Variants in FER observed in about 807,000 individuals in gnomAD.
FER encodes FER tyrosine kinase.
In FER, 63 loss-of-function variants were observed where a neutral mutation model predicts 111.0. The ratio of observed to expected loss-of-function variants is 0.57; its 90% confidence interval spans 0.46 to 0.70. The LOEUF is 0.70. Among genes scored for constraint, FER ranks in the 30% least tolerant of loss-of-function variants. FER has a pLI of 0.00. For synonymous variants in FER, 327 were observed against 313.9 expected (o/e 1.04, Z -0.44); for missense variants, 914 against 954.0 (o/e 0.96, Z 0.55).
intron 17 of FER, among the ~76,000 whole-genome samples, chr5:109,174,452 A>G (rs1008391938): frequency 1.3e-5 from 2 of 152,058 alleles, no homozygotes; most frequent in African/African-American, 4.8e-5. Context: ...AAAGGGCTCA[A>G]CATACCACCT....
chr5:108,968,003 G>T (rs1760123483), intron 13 of FER, among the ~76,000 whole-genome samples: 3 of 151,966 alleles, frequency 2.0e-5, no homozygotes. Flanking sequence ...CTATCACATA[G>T]ATTGTGGAGA....
chr5:108,765,265 T>G (rs1465544964), intron 1 of FER, among the ~76,000 whole-genome samples: 1 of 152,206 alleles, frequency 6.6e-6, no homozygotes, highest in Non-Finnish European at 1.5e-5. Flanking sequence ...AAGTTCCATT[T>G]AGAGATGCCA....
intron 17 of FER, among the ~76,000 whole-genome samples, chr5:109,122,352 T>C (rs1266848447): frequency 6.6e-6 from 1 of 152,210 alleles, no homozygotes; most frequent in Non-Finnish European, 1.5e-5. Flanking sequence ...AGCATATTGT[T>C]TAATTTCCGT....
At chr5:108,792,292 A>G (rs1469261958) in intron 2 of FER, among the ~76,000 whole-genome samples, 3 of 152,228 alleles carry the variant, frequency 2.0e-5, no homozygotes, top group Admixed American at 6.5e-5. Context: ...ACAATATTAA[A>G]TCTTTTGATC....
intron 9 of FER, among the ~76,000 whole-genome samples, chr5:108,888,261 C>T (rs1166019113): frequency 6.6e-6 from 1 of 151,886 alleles, no homozygotes; most frequent in East Asian, 1.9e-4. Flanking sequence ...ATAGGGAATT[C>T]ATTCAACAAT....
chr5:109,084,817 T>C (rs1384650052), intron 16 of FER, among the ~76,000 whole-genome samples: 1 of 151,968 alleles, frequency 6.6e-6, no homozygotes, highest in Non-Finnish European at 1.5e-5. Flanking sequence ...CATACAGTTA[T>C]ATGTAGTTCT....
chr5:108,796,493 A>G (rs1756033971), intron 2 of FER, among the ~76,000 whole-genome samples: 1 of 152,208 alleles, frequency 6.6e-6, no homozygotes, highest in African/African-American at 2.4e-5. Context: ...AAGTGGGTCC[A>G]GAAATGCTGT....
In FER at chr5:108,883,381, T is replaced by C. The variant is rs1765862653; in HGVS notation, c.924-15T>C. The C allele has an allele frequency of 1.9e-6, 3 of 1,585,430 alleles. No homozygotes were observed. In the Admixed American group the frequency reaches 5.5e-5, roughly 29 times the overall value. ...TTAATTTGTTGGTTGTTATTGAGGATACTGTTTATTCTAGGTTGAAAACGT... is the reference window on the plus strand; with the variant it reads ...TTAATTTGTTGGTTGTTATTGAGGACACTGTTTATTCTAGGTTGAAAACGT... On this transcript the variant is annotated splice_polypyrimidine_tract_variant and intron_variant, in intron 8 of 19. Coordinates refer to ENST00000281092, the MANE Select transcript of FER (RefSeq NM_005246.4).
chr5:109,010,116 A>G (rs1766047970), intron 13 of FER, among the ~76,000 whole-genome samples: 2 of 152,108 alleles, frequency 1.3e-5, no homozygotes. Flanking sequence ...TAAACAGTCT[A>G]CTATATTTCT....
At chr5:109,156,339 A>G (rs938683746) in intron 17 of FER, among the ~76,000 whole-genome samples, 5 of 152,036 alleles carry the variant, frequency 3.3e-5, no homozygotes, top group African/African-American at 4.8e-5. Context: ...GTGAAACACC[A>G]AACACTACAC....
chr5:108,841,419 TA>T (rs1431191610), intron 5 of FER, among the ~76,000 whole-genome samples: 2 of 152,160 alleles, frequency 1.3e-5, no homozygotes, highest in Non-Finnish European at 2.9e-5. Flanking sequence ...CTAAGTAGTA[TA>T]AAGGAAATAA....
At chr5:109,170,710 C>G (rs1318928938) in intron 17 of FER, among the ~76,000 whole-genome samples, 6 of 152,108 alleles carry the variant, frequency 3.9e-5, no homozygotes, top group Admixed American at 3.9e-4. Context: ...CAAAGGCAAG[C>G]TAGAGGATAC....
At chr5:108,968,787 A>T (rs77750668) in intron 13 of FER, among the ~76,000 whole-genome samples, 7,039 of 152,162 alleles carry the variant, frequency 0.046, 263 homozygotes, top group South Asian at 0.11. Context: ...TATAATCAAT[A>T]CAAACTCATA....
At chr5:109,163,309 T>C (rs1756195975) in intron 17 of FER, among the ~76,000 whole-genome samples, 1 of 152,202 alleles carries the variant, frequency 6.6e-6, no homozygotes, top group Non-Finnish European at 1.5e-5. Flanking sequence ...AGGTGGGTTA[T>C]TTCCAGTTTA....
intron 1 of FER, among the ~76,000 whole-genome samples, chr5:108,760,056 T>A (rs1751552367): frequency 6.6e-6 from 1 of 152,194 alleles, no homozygotes; most frequent in Non-Finnish European, 1.5e-5. Context: ...GATGTTGCGT[T>A]AGCAGTCACA....
intron 3 of FER, among the ~76,000 whole-genome samples, chr5:108,827,805 A>C (rs1759624533): frequency 6.8e-6 from 1 of 147,350 alleles, no homozygotes; most frequent in Non-Finnish European, 1.5e-5. Flanking sequence ...ATAATATTTA[A>C]CAGATGGAGT....
At chr5:108,888,184 C>A (rs890804589) in intron 9 of FER, among the ~76,000 whole-genome samples, 2 of 151,638 alleles carry the variant, frequency 1.3e-5, no homozygotes, top group Non-Finnish European at 2.9e-5. Flanking sequence ...AATTCAGGAA[C>A]CTTACATTTT....
At chr5:109,146,486 C>A (rs972774642) in intron 17 of FER, among the ~76,000 whole-genome samples, 1 of 151,118 alleles carries the variant, frequency 6.6e-6, no homozygotes, top group East Asian at 1.9e-4. Flanking sequence ...ATGCTTCTAG[C>A]CATATTTATC....
chr5:109,122,912 C>T (rs979991119), intron 17 of FER, among the ~76,000 whole-genome samples: 44 of 152,084 alleles, frequency 2.9e-4, no homozygotes, highest in Admixed American at 1.8e-3. Flanking sequence ...TCTGTTTGCA[C>T]GGAATATCTT....
Sources: gnomAD v4.1 joint callset for allele counts (sites outside exome capture counted in the v4.1 genomes callset) on GRCh38, gnomAD v4.1.1 for gene constraint, MANE v1.5 for transcripts, NCBI Gene and HGNC (gene_info 2026-07-23, HGNC 2026-07-21) for gene names.